Variants in NPR3 observed in about 807,000 individuals in gnomAD.
The protein encoded by NPR3 is natriuretic peptide receptor 3, also known as atrial natriuretic peptide receptor 3.
Under a neutral mutation model 54.5 loss-of-function variants are expected in NPR3, and 34 were observed. The observed-to-expected ratio is 0.62, with a 90% CI of 0.47 to 0.83. The LOEUF (loss-of-function observed/expected upper bound fraction) is 0.83, where lower values mean the gene tolerates loss of function less well. Ranked by LOEUF, NPR3 falls within the 40% of genes least tolerant of loss-of-function variation. The pLI, the probability that NPR3 is intolerant of heterozygous loss-of-function variation, is 0.00. For synonymous variants in NPR3, 289 were observed against 297.1 expected, an observed-to-expected ratio of 0.97 and a Z score of 0.28; for missense variants, 674 against 720.8, an observed-to-expected ratio of 0.94 and a Z score of 0.74.
At chr5:32,702,525 C>T (rs1350780798) in intron 1 of NPR3, among the ~76,000 whole-genome samples, 1 of 150,036 alleles carries the variant, frequency 6.7e-6, no homozygotes, top group African/African-American at 2.5e-5. Context: ...TTTTTTTTGT[C>T]CTTACGATAG....
chr5:32,738,685 C>T (rs1426186188), intron 2 of NPR3, among the ~76,000 whole-genome samples, 179 bp from the exon 3 acceptor site: 1 of 152,154 alleles, frequency 6.6e-6, no homozygotes, highest in Non-Finnish European at 1.5e-5. Flanking sequence ...GTCCAAAGGG[C>T]CTTCTTCTCC....
intron 4 of NPR3, among the ~76,000 whole-genome samples, chr5:32,780,411 C>G (rs1221351403): frequency 6.6e-6 from 1 of 152,210 alleles, no homozygotes; most frequent in Non-Finnish European, 1.5e-5. Flanking sequence ...AAAATTAATA[C>G]AAAACTCTGG....
At chr5:32,782,052 TC>T (rs1390874347) in intron 5 of NPR3, among the ~76,000 whole-genome samples, 1 of 152,100 alleles carries the variant, frequency 6.6e-6, no homozygotes, top group Non-Finnish European at 1.5e-5. Context: ...GATCCAACAA[TC>T]ATTTTAACCA....
chr5:32,765,344 C>T (rs986163252), intron 3 of NPR3, among the ~76,000 whole-genome samples: 1 of 152,200 alleles, frequency 6.6e-6, no homozygotes, highest in Non-Finnish European at 1.5e-5. Flanking sequence ...CAAATCCTCA[C>T]TTGGAACCTA....
chr5:32,719,036 T>G (rs1738711003), intron 1 of NPR3, among the ~76,000 whole-genome samples: 1 of 152,224 alleles, frequency 6.6e-6, no homozygotes, highest in Non-Finnish European at 1.5e-5. Context: ...CATCAATACC[T>G]AGTTTATTGA....
At position 32,791,625 on chromosome 5, in the gene NPR3, T is replaced by C. The variant is rs150256179; in HGVS notation, c.*5280T>C. ...ACTTCATTTGATGTTTGGATATAAATGTGTATGTGTCCTTGTAAATGTTTC... is the reference window on the plus strand; with the variant it reads ...ACTTCATTTGATGTTTGGATATAAACGTGTATGTGTCCTTGTAAATGTTTC... On this transcript the variant is annotated 3_prime_UTR_variant, in exon 8 of 8. Coordinates refer to ENST00000265074, the MANE Select transcript of NPR3 (RefSeq NM_001204375.2). 141 of 167,100 alleles carry C rather than the reference T, an allele frequency of 8.4e-4. No homozygotes were observed. Among genetic ancestry groups the C allele is most frequent in the Middle Eastern group, 3.4e-3 (1 of 296 alleles). 10.4% of individuals were successfully genotyped at this position (167,100 alleles called of 1,614,324 possible). A position where few individuals can be genotyped will look rare whatever the true frequency, so the allele number is the denominator to read the frequency against.
At position 32,786,276 on chromosome 5, in the gene NPR3, AGAAAGTAACCTTG is replaced by A; in HGVS notation, c.1562_1574del (p.Ser521AsnfsTer16). ...CCATTGAGAGGCGAACCCAGCAAGA[AGAAAGTAACCTTG>A]GAAAACATCGGGAATTACGGGAAGA... On this transcript the variant is annotated frameshift_variant, in exon 8 of 8. Transcript: ENST00000265074. LOFTEE classifies it high-confidence loss of function. The A allele has an allele frequency of 6.3e-7, 1 of 1,588,994 alleles. No homozygotes were observed. Among genetic ancestry groups the A allele is most frequent in the Non-Finnish European group, 8.6e-7 (1 of 1,160,600 alleles).
chr5:32,753,624 CTTTTTTTTTTTTTT>C (rs70961660), intron 3 of NPR3, among the ~76,000 whole-genome samples: 1 of 102,810 alleles, frequency 9.7e-6, no homozygotes, highest in Non-Finnish European at 1.9e-5. Flanking sequence ...TCTCAGCATC[CTTTTTTTTTTTTTT>C]TTTTTTTTTT....
chr5:32,713,535 C>G (rs1035236982), intron 1 of NPR3: 15 of 892,396 alleles, frequency 1.7e-5, no homozygotes, highest in Non-Finnish European at 2.0e-5. Flanking sequence ...GAGGGAATCC[C>G]GTCTCTGCTC....
rs758314951 is a variant in NPR3, at chr5:32,789,513, C to G, written c.*3168C>G. On this transcript the variant is annotated 3_prime_UTR_variant, in exon 8 of 8. Transcript: ENST00000265074. ...TACTATAATTCTTCACATTTCAGAACCCATGTTTAATGGAGGGAAGAGAGA... is the reference window on the plus strand; with the variant it reads ...TACTATAATTCTTCACATTTCAGAAGCCATGTTTAATGGAGGGAAGAGAGA... The G allele has an allele frequency of 1.9e-6, 1 of 534,584 alleles. No individual in the cohort carries two copies. The highest frequency in any genetic ancestry group is 5.4e-5 in the East Asian group (1 of 18,356). The allele number at this position is 534,584 out of a possible 1,614,324, so 33.1% of individuals were successfully genotyped here.
chr5:32,717,203 T>C (rs1579595809), intron 1 of NPR3, among the ~76,000 whole-genome samples: 1 of 152,242 alleles, frequency 6.6e-6, no homozygotes, highest in African/African-American at 2.4e-5. Flanking sequence ...TGTGGCTGCA[T>C]AGTATTCCAT....
At chr5:32,738,516 A>G (rs1739870038) in intron 2 of NPR3, among the ~76,000 whole-genome samples, 2 of 152,230 alleles carry the variant, frequency 1.3e-5, no homozygotes, top group Non-Finnish European at 2.9e-5. Context: ...GGTATTAAAA[A>G]AGAAGTATGA....
chr5:32,708,911 C>CAT (rs1421611786), upstream of NPR3, among the ~76,000 whole-genome samples: 34 of 139,088 alleles, frequency 2.4e-4, no homozygotes, highest in Non-Finnish European at 4.3e-4. Flanking sequence ...ATAACACTGG[C>CAT]TTTTTTTTTT....
rs1328627035 is a variant in NPR3, at chr5:32,728,837, G to GTGTATATATA, written c.892+4018_892+4019insGTATATATAT. 1.7e-4 allele frequency among the ~76,000 whole-genome samples: 8 copies of GTGTATATATA among 48,004 alleles called. 1 individual carries two copies. The highest frequency in any genetic ancestry group is 2.5e-3 in the South Asian group (2 of 806). The allele number at this position is 48,004 out of a possible 152,430, so 31.5% of individuals were successfully genotyped here. On this transcript the variant is annotated intron_variant, in intron 2 of 7. Transcript: ENST00000265074. ...TATTTGTGTGTGTGTGTGTGTGTGT[G>GTGTATATATA]TATATATATATATATATATATATAT...
chr5:32,693,316 C>T (rs1305118805), intron 1 of NPR3, among the ~76,000 whole-genome samples: 1 of 151,834 alleles, frequency 6.6e-6, no homozygotes, highest in Non-Finnish European at 1.5e-5. Context: ...AATTCTGTTT[C>T]TTTAACTTCT....
At position 32,782,252 on chromosome 5, in the gene NPR3, C is replaced by T. The variant is rs911369723; in HGVS notation, c.1291-641C>T. Among the ~76,000 whole-genome samples the T allele has an allele frequency of 2.6e-5, 4 of 152,120 alleles. No individual in the cohort carries two copies. In the East Asian group the frequency reaches 5.8e-4, roughly 22 times the overall value. On this transcript the variant is annotated intron_variant, in intron 5 of 7. Transcript: ENST00000265074. ...CCGGAAGTGGTGAAACAGGAGGTTC[C>T]TGAAAGACGCTCTTTAATTATATGT...
At chr5:32,781,200 T>A (rs1316500614) in intron 5 of NPR3, among the ~76,000 whole-genome samples, 1 of 152,074 alleles carries the variant, frequency 6.6e-6, no homozygotes, top group Non-Finnish European at 1.5e-5. Flanking sequence ...CAGGATAACA[T>A]CATGAAGGGA....
chr5:32,718,986 G>A (rs1738707989), intron 1 of NPR3, among the ~76,000 whole-genome samples: 1 of 152,036 alleles, frequency 6.6e-6, no homozygotes, highest in African/African-American at 2.4e-5. Flanking sequence ...ATTGGCTATG[G>A]GTTTGTCATA....
rs1044620182 is a variant in NPR3, at chr5:32,784,580, A to C, written c.1427-216A>C. Among the ~76,000 whole-genome samples, 5 of 152,260 alleles carry C rather than the reference A, an allele frequency of 3.3e-5. No individual in the cohort carries two copies. The South Asian group carries it at 8.3e-4, about 25-fold the overall frequency. On this transcript the variant is annotated intron_variant, in intron 6 of 7. Coordinates refer to ENST00000265074, the MANE Select transcript of NPR3 (RefSeq NM_001204375.2). ...TTAATAGTGTTTTTGTTTATCTGGC[A>C]CTTTCTCAAGTGGTTCTTAAGCTTT...
Sources: gnomAD v4.1 joint callset for allele counts (sites outside exome capture counted in the v4.1 genomes callset) on GRCh38, gnomAD v4.1.1 for gene constraint, MANE v1.5 for transcripts, NCBI Gene and HGNC (gene_info 2026-07-23, HGNC 2026-07-21) for gene names.